ARSB: variants seen among roughly 807,000 people sequenced by gnomAD.
ARSB encodes arylsulfatase B.
ARSB carries 41 observed loss-of-function variants against 50.9 expected under a neutral mutation model. The ratio of observed to expected loss-of-function variants is 0.81; its 90% CI spans 0.63 to 1.04. ARSB has a LOEUF of 1.04. Among genes scored for constraint, ARSB ranks in the 50% least tolerant of loss-of-function variants. The pLI, the probability that ARSB is intolerant of heterozygous loss-of-function variation, is 0.00. For missense variants in ARSB, 672 were observed against 693.3 expected (o/e 0.97, Z 0.35); for synonymous variants, 269 against 284.8 (o/e 0.94, Z 0.56).
At chr5:78,847,888 T>C (rs1745519435) in intron 5 of ARSB, among the ~76,000 whole-genome samples, 1 of 152,114 alleles carries the variant, frequency 6.6e-6, no homozygotes, top group African/African-American at 2.4e-5. Context: ...CACTTGTATT[T>C]CTATGGTATC....
At chr5:78,955,533 G>A (rs770563186) in intron 3 of ARSB, 31 bp from the exon 4 acceptor site, 2 of 1,564,508 alleles carry the variant, frequency 1.3e-6, no homozygotes, top group African/African-American at 2.7e-5. Context: ...AACCAGTTAA[G>A]AGGATATTGA....
At chr5:78,925,283 G>T (rs957635285) in intron 4 of ARSB, among the ~76,000 whole-genome samples, 42 of 151,906 alleles carry the variant, frequency 2.8e-4, no homozygotes, top group Non-Finnish European at 5.2e-4. Flanking sequence ...ATCAACAAAG[G>T]AATAGCCACC....
intron 4 of ARSB, among the ~76,000 whole-genome samples, chr5:78,930,192 C>G (rs60585312): frequency 0.046 from 6,997 of 152,228 alleles, 339 homozygotes; most frequent in African/African-American, 0.12. Context: ...CTACGGCCAG[C>G]ACTGTCAGCG....
intron 4 of ARSB, among the ~76,000 whole-genome samples, chr5:78,922,534 T>C (rs1032256369): frequency 6.6e-6 from 1 of 151,916 alleles, no homozygotes; most frequent in African/African-American, 2.4e-5. Flanking sequence ...GGGCTCTGAA[T>C]AGTCAGCAGC....
chr5:78,855,723 T>C (rs1257678274), intron 5 of ARSB, among the ~76,000 whole-genome samples: 3 of 152,126 alleles, frequency 2.0e-5, no homozygotes, highest in East Asian at 1.9e-4. Flanking sequence ...TCTGTGAGGA[T>C]TGCAGGGGAC....
At chr5:78,822,126 T>A (rs1426194566) in intron 6 of ARSB, among the ~76,000 whole-genome samples, 1 of 152,224 alleles carries the variant, frequency 6.6e-6, no homozygotes, top group Non-Finnish European at 1.5e-5. Flanking sequence ...TATATGCTAT[T>A]TTATTGTAGA....
At chr5:78,967,298 T>C (rs1752248156) in intron 2 of ARSB, among the ~76,000 whole-genome samples, 1 of 152,238 alleles carries the variant, frequency 6.6e-6, no homozygotes, top group African/African-American at 2.4e-5. Flanking sequence ...TTGCTTTTCC[T>C]GAACATCTGG....
intron 5 of ARSB, among the ~76,000 whole-genome samples, chr5:78,854,589 G>T (rs1746044049): frequency 6.6e-6 from 1 of 152,180 alleles, no homozygotes; most frequent in South Asian, 2.1e-4. Context: ...AGATATTTGA[G>T]ATCATTGCAG....
intron 5 of ARSB, among the ~76,000 whole-genome samples, chr5:78,864,561 C>T (rs566951180): frequency 6.6e-6 from 1 of 152,134 alleles, no homozygotes; most frequent in African/African-American, 2.4e-5. Flanking sequence ...TATCATTCCA[C>T]CCCTGGCCCC....
intron 3 of ARSB, among the ~76,000 whole-genome samples, chr5:78,960,390 G>A (rs1751929677): frequency 6.6e-6 from 1 of 152,068 alleles, no homozygotes; most frequent in Non-Finnish European, 1.5e-5. Flanking sequence ...GCATATGATA[G>A]GTTTTGAAAT....
At chr5:78,837,794 C>CA (rs1219729456) in intron 6 of ARSB, among the ~76,000 whole-genome samples, 2 of 152,188 alleles carry the variant, frequency 1.3e-5, no homozygotes, top group African/African-American at 4.8e-5. Flanking sequence ...AAGTACCTGA[C>CA]AGCCACATGT....
At chr5:78,983,522 C>T (rs931188099) in intron 1 of ARSB, among the ~76,000 whole-genome samples, 5 of 152,166 alleles carry the variant, frequency 3.3e-5, no homozygotes, top group African/African-American at 1.2e-4. Flanking sequence ...CCTTCTTCTT[C>T]TTCTTTACTG....
chr5:78,800,815 A>G (rs956217923), intron 6 of ARSB, among the ~76,000 whole-genome samples: 4 of 152,208 alleles, frequency 2.6e-5, no homozygotes, highest in African/African-American at 9.6e-5. Flanking sequence ...AGAGATGGAA[A>G]GTCTATTTCT....
Position 78,794,618 on chromosome 5 carries a change from G to C in ARSB, c.1214-12644C>G, listed in dbSNP as rs572841472. ...AAGGGAGAGGTGATAGGAAGGAGGA[G>C]GAGGGAGAGGAGGAAGAATGTTTTA... On this transcript the variant is annotated intron_variant, in intron 6 of 7. Transcript: ENST00000264914. Among the ~76,000 whole-genome samples the C allele has an allele frequency of 2.6e-5, 4 of 152,234 alleles. No homozygotes were observed. The East Asian group carries it at 5.8e-4, about 22-fold the overall frequency.
At chr5:78,792,731 C>T in intron 6 of ARSB, among the ~76,000 whole-genome samples, 1 of 152,106 alleles carries the variant, frequency 6.6e-6, no homozygotes, top group Non-Finnish European at 1.5e-5. Context: ...CGGTGGTCGC[C>T]ATAAGCCCAG....
intron 4 of ARSB, among the ~76,000 whole-genome samples, chr5:78,949,392 G>C (rs566991182): frequency 8.5e-5 from 13 of 152,302 alleles, no homozygotes; most frequent in Admixed American, 3.3e-4. Context: ...ACAGGGCTAA[G>C]TGAAGTAAAG....
chr5:78,933,234 C>T (rs941726783), intron 4 of ARSB, among the ~76,000 whole-genome samples: 1 of 152,056 alleles, frequency 6.6e-6, no homozygotes, highest in Admixed American at 6.6e-5. Flanking sequence ...AAATATATAC[C>T]CATGGATTGA....
At chr5:78,965,146 T>A (rs1156962878) in intron 2 of ARSB, among the ~76,000 whole-genome samples, 1 of 152,110 alleles carries the variant, frequency 6.6e-6, no homozygotes, top group African/African-American at 2.4e-5. Flanking sequence ...TCTCTAGACA[T>A]AACAGAGCCA....
At chr5:78,817,480 G>C (rs141069043) in intron 6 of ARSB, among the ~76,000 whole-genome samples, 1 of 152,230 alleles carries the variant, frequency 6.6e-6, no homozygotes, top group African/African-American at 2.4e-5. Context: ...GCCTTTAAGA[G>C]TCAGATCTGA....
Sources: allele counts gnomAD v4.1 joint callset (sites outside exome capture counted in the v4.1 genomes callset), GRCh38; gene constraint gnomAD v4.1.1; transcripts MANE v1.5; gene names NCBI Gene and HGNC (gene_info 2026-07-23, HGNC 2026-07-21).